ARF1: variants seen among roughly 807,000 people sequenced by gnomAD.
ARF1 encodes ARF GTPase 1, also known as ADP-ribosylation factor 1.
ARF1 carries 1 observed loss-of-function variant against 18.0 expected under a neutral mutation model. The ratio of observed to expected loss-of-function variants is 0.06; its 90% confidence interval spans 0.02 to 0.26. ARF1 has a LOEUF of 0.26. Ranked by LOEUF, ARF1 falls within the 10% of genes least tolerant of loss-of-function variation. ARF1 has a pLI of 1.00. For synonymous variants in ARF1, 112 were observed against 96.3 expected (o/e 1.16, Z -0.95); for missense variants, 73 against 247.2 (o/e 0.30, Z 4.73).
intron 1 of ARF1, among the ~76,000 whole-genome samples, chr1:228,092,434 T>C (rs569052059): frequency 6.6e-6 from 1 of 152,144 alleles, no homozygotes; most frequent in African/African-American, 2.4e-5. Context: ...GGTGACAGAG[T>C]GAGGCCCTGT....
chr1:228,086,329 C>T (rs1295018594), intron 1 of ARF1, among the ~76,000 whole-genome samples: 1 of 151,994 alleles, frequency 6.6e-6, no homozygotes, highest in Non-Finnish European at 1.5e-5. Flanking sequence ...TCCTGGCGAA[C>T]ATGGTGATAC....
chr1:228,084,148 A>G (rs905351681), intron 1 of ARF1, among the ~76,000 whole-genome samples: 3 of 152,168 alleles, frequency 2.0e-5, no homozygotes, highest in African/African-American at 7.2e-5. Context: ...GCCATTGTCT[A>G]ACACGTGTGA....
Position 228,097,476 on chromosome 1 carries a change from A to G in ARF1, c.259+24A>G, listed in dbSNP as rs369646198. ...AGGTAAGTGGCTGGGGCCTGGTCCC[A>G]TGGGCACTCCTGCTTCTAGAGAGGG... is the stretch of plus-strand genomic sequence containing the variant. On this transcript the variant is annotated intron_variant, in intron 3 of 4. Transcript: ENST00000272102. This position sits in a 1 kb window ranked among gnomAD's most constrained non-coding sequence, Gnocchi z 8.1. 1.1e-5 allele frequency: 17 copies of G among 1,613,860 alleles called. No homozygotes were observed. In the East Asian group the frequency reaches 2.5e-4, roughly 23 times the overall value.
chr1:228,085,393 G>A (rs1164313327), intron 1 of ARF1, among the ~76,000 whole-genome samples: 2 of 152,386 alleles, frequency 1.3e-5, no homozygotes, highest in African/African-American at 4.8e-5. Flanking sequence ...AGGTGGGTCA[G>A]ATGACCTTGT....
chr1:228,088,456 G>A (rs2032474897), intron 1 of ARF1, among the ~76,000 whole-genome samples: 1 of 152,178 alleles, frequency 6.6e-6, no homozygotes, highest in Non-Finnish European at 1.5e-5. Context: ...GCAGTGGCAA[G>A]AACACTTCCT....
chr1:228,087,661 A>G (rs2032448197), intron 1 of ARF1, among the ~76,000 whole-genome samples: 1 of 151,844 alleles, frequency 6.6e-6, no homozygotes, highest in African/African-American at 2.4e-5. Flanking sequence ...ATTTATACCT[A>G]CTCATCAGCT....
chr1:228,085,460 C>CT (rs2032363331), intron 1 of ARF1, among the ~76,000 whole-genome samples: 1 of 152,228 alleles, frequency 6.6e-6, no homozygotes, highest in Non-Finnish European at 1.5e-5. Flanking sequence ...CTCTCAGGTC[C>CT]TCCCCCAGGG....
intron 1 of ARF1, among the ~76,000 whole-genome samples, chr1:228,091,760 T>C (rs1005607973): frequency 3.3e-5 from 5 of 152,092 alleles, no homozygotes; most frequent in Non-Finnish European, 4.4e-5. Flanking sequence ...CACAGAAAAA[T>C]GTCAGGCCTA....
intron 1 of ARF1, among the ~76,000 whole-genome samples, chr1:228,093,327 T>C (rs1462146066): frequency 6.6e-6 from 1 of 152,114 alleles, no homozygotes; most frequent in African/African-American, 2.4e-5. Context: ...CTGTGGACTC[T>C]TTCTCCCTCT....
At chr1:228,086,519 AAAAAAAAAAAG>A (rs2032406796) in intron 1 of ARF1, among the ~76,000 whole-genome samples, 1 of 151,822 alleles carries the variant, frequency 6.6e-6, no homozygotes, top group Non-Finnish European at 1.5e-5. Flanking sequence ...TTGTCTCAAA[AAAAAAAAAAAG>A]AAAAAAAAGA....
chr1:228,093,431 C>G (rs974781372), intron 1 of ARF1, among the ~76,000 whole-genome samples: 2 of 151,968 alleles, frequency 1.3e-5, no homozygotes, highest in Admixed American at 6.6e-5. Flanking sequence ...TGGAACATGC[C>G]GAGGCAGGAC....
At position 228,098,150 on chromosome 1, in the gene ARF1, G is replaced by A; in HGVS notation, c.*137G>A. The A allele has an allele frequency of 1.9e-6, 2 of 1,068,432 alleles. No homozygotes were observed. The highest frequency in any genetic ancestry group is 2.6e-6 in the Non-Finnish European group (2 of 772,888). 66.2% of individuals were successfully genotyped at this position (1,068,432 alleles called of 1,614,324 possible). On this transcript the variant is annotated 3_prime_UTR_variant, in exon 5 of 5. Transcript: ENST00000272102. The stretch of plus-strand genomic sequence containing the variant: ...TGCATCGCACCGTGCTGTAAATGTG[G>A]CAGACGCAGCCTGCGGCCAGGCTTT...
chr1:228,094,620 G>C (rs1470592346), intron 1 of ARF1, among the ~76,000 whole-genome samples: 2 of 151,978 alleles, frequency 1.3e-5, no homozygotes, highest in African/African-American at 4.8e-5. Flanking sequence ...CTCTCTCCAT[G>C]TGGGGTTGGC....
chr1:228,093,488 C>T (rs2032635197), intron 1 of ARF1, among the ~76,000 whole-genome samples: 1 of 152,106 alleles, frequency 6.6e-6, no homozygotes, highest in Non-Finnish European at 1.5e-5. Flanking sequence ...CACAGATGTG[C>T]TTGTCGGTAG....
chr1:228,096,029 T>C (rs966887562), intron 1 of ARF1, among the ~76,000 whole-genome samples: 1 of 152,190 alleles, frequency 6.6e-6, no homozygotes, highest in Non-Finnish European at 1.5e-5. Context: ...CAGTGTTAAA[T>C]CAGACACGGG....
intron 1 of ARF1, among the ~76,000 whole-genome samples, chr1:228,092,038 G>A (rs2032592125): frequency 6.6e-6 from 1 of 152,166 alleles, no homozygotes; most frequent in African/African-American, 2.4e-5. Context: ...AGTCCCTTCA[G>A]GAAGTCATCA....
At chr1:228,093,798 C>T (rs768101118) in intron 1 of ARF1, among the ~76,000 whole-genome samples, 14 of 151,672 alleles carry the variant, frequency 9.2e-5, no homozygotes, top group South Asian at 2.1e-4. Context: ...CGTGGTGGCA[C>T]GCGCCTGTAG....
At chr1:228,086,673 C>G (rs527486345) in intron 1 of ARF1, among the ~76,000 whole-genome samples, 1 of 152,292 alleles carries the variant, frequency 6.6e-6, no homozygotes, top group East Asian at 1.9e-4. Flanking sequence ...AGCGCCGTGT[C>G]TCTTCCCTCA....
At position 228,082,848 on chromosome 1, in the gene ARF1, G is replaced by T; in HGVS notation, c.-38+83G>T. On this transcript the variant is annotated intron_variant, in intron 1 of 4. Coordinates refer to ENST00000272102, the MANE Select transcript of ARF1 (RefSeq NM_001658.4). The surrounding 1 kb of genome is among the most constrained non-coding windows in gnomAD (Gnocchi z 6.1). ...CTGGGGACTGGCCTCGGGGCGACTT[G>T]AGGTTCGCGAAGGGCACGTCGACCC... is the stretch of plus-strand genomic sequence containing the variant. 1 of 152,676 alleles carries T rather than the reference G, an allele frequency of 6.5e-6. No homozygotes were observed. Among genetic ancestry groups the T allele is most frequent in the South Asian group, 1.9e-4 (1 of 5,132 alleles). The allele number at this position is 152,676 out of a possible 1,614,324, so 9.5% of individuals were successfully genotyped here. A position where few individuals can be genotyped will look rare whatever the true frequency, so the allele number is the denominator to read the frequency against.
Sources: gnomAD v4.1 joint callset for allele counts (sites outside exome capture counted in the v4.1 genomes callset) on GRCh38, gnomAD v4.1.1 for gene constraint, Gnocchi (gnomAD v3.1) non-coding constraint, MANE v1.5 for transcripts, NCBI Gene and HGNC (gene_info 2026-07-23, HGNC 2026-07-21) for gene names.